APBA1: variants seen among roughly 807,000 people sequenced by gnomAD.
APBA1 encodes the protein amyloid beta precursor protein binding family A member 1, also known as amyloid-beta A4 precursor protein-binding family A member 1.
Under a neutral mutation model 86.6 loss-of-function variants are expected in APBA1, and 55 were observed. That is an observed-to-expected ratio of 0.64 (90% CI 0.51 to 0.80). The LOEUF (loss-of-function observed/expected upper bound fraction) is 0.80, where lower values mean the gene tolerates loss of function less well. Ranked by LOEUF, APBA1 falls within the 30% of genes least tolerant of loss-of-function variation. The pLI, the probability that APBA1 is intolerant of heterozygous loss-of-function variation, is 0.00. For missense variants in APBA1, 1,090 were observed against 1,183.0 expected, an observed-to-expected ratio of 0.92 and a Z score of 1.15; for synonymous variants, 511 against 493.9, an observed-to-expected ratio of 1.03 and a Z score of -0.46.
At chr9:69,658,295 TCTCTC>T (rs1166044320) in intron 1 of APBA1, among the ~76,000 whole-genome samples, 11 of 59,818 alleles carry the variant, frequency 1.8e-4, no homozygotes, top group East Asian at 4.4e-4. Context: ...TCTCTCTCTT[TCTCTC>T]TCTCTCTTTC....
At chr9:69,553,788 A>G (rs748025806) in intron 1 of APBA1, among the ~76,000 whole-genome samples, 2 of 152,216 alleles carry the variant, frequency 1.3e-5, no homozygotes, top group Non-Finnish European at 2.9e-5. Context: ...AGTTCCTGCC[A>G]CAAATAGAAT....
intron 1 of APBA1, among the ~76,000 whole-genome samples, chr9:69,546,540 G>T (rs1481868578): frequency 6.6e-6 from 1 of 152,180 alleles, no homozygotes; most frequent in African/African-American, 2.4e-5. Context: ...TCTTTTCTGA[G>T]AGGTCTTTCT....
intron 1 of APBA1, among the ~76,000 whole-genome samples, chr9:69,612,068 C>A (rs1822602395): frequency 6.6e-6 from 1 of 151,986 alleles, no homozygotes; most frequent in South Asian, 2.1e-4. Context: ...ACTATAAATC[C>A]AACCTAAAAA....
Position 69,635,533 on chromosome 9 carries a change from A to G in APBA1, c.-70+36620T>C, listed in dbSNP as rs115784490. 8.0e-3 allele frequency among the ~76,000 whole-genome samples: 1,223 copies of G among 152,272 alleles called. 17 individuals carry two copies. The highest frequency in any genetic ancestry group is 0.028 in the African/African-American group (1,144 of 41,570). Reference sequence around the variant, plus strand: ...ATTTAATGTAAATGGACACAATTCAATAAAAAAACTTAGAATGGCTGAATG... The same window carrying G: ...ATTTAATGTAAATGGACACAATTCAGTAAAAAAACTTAGAATGGCTGAATG... On this transcript the variant is annotated intron_variant, in intron 1 of 12. Coordinates refer to ENST00000265381, the MANE Select transcript of APBA1 (RefSeq NM_001163.4).
chr9:69,581,025 A>G (rs955509243), intron 1 of APBA1, among the ~76,000 whole-genome samples: 2 of 152,158 alleles, frequency 1.3e-5, no homozygotes, highest in African/African-American at 4.8e-5. Context: ...TTTCCTGAGC[A>G]GCAGGGGACA....
intron 1 of APBA1, among the ~76,000 whole-genome samples, chr9:69,613,168 T>C (rs1406802508): frequency 1.3e-5 from 2 of 150,630 alleles, no homozygotes; most frequent in Non-Finnish European, 3.0e-5. Context: ...AGCTTTGATA[T>C]TAAAAATACA....
intron 1 of APBA1, among the ~76,000 whole-genome samples, chr9:69,597,537 T>C (rs1216254533): frequency 6.6e-6 from 1 of 152,240 alleles, no homozygotes; most frequent in Non-Finnish European, 1.5e-5. Context: ...TTTGTCAATT[T>C]TGGCTTTTGC....
intron 2 of APBA1, among the ~76,000 whole-genome samples, chr9:69,506,577 A>AG (rs1257072348): frequency 7.7e-5 from 2 of 25,938 alleles, no homozygotes; most frequent in African/African-American, 3.5e-4. Context: ...CAGCTCAAGG[A>AG]GGCCTGCCTG....
chr9:69,575,254 T>C (rs1448061538), intron 1 of APBA1, among the ~76,000 whole-genome samples: 2 of 152,158 alleles, frequency 1.3e-5, no homozygotes, highest in Non-Finnish European at 2.9e-5. Context: ...TAAAATATTA[T>C]CAATATCGTG....
At chr9:69,565,324 G>C (rs746597882) in intron 1 of APBA1, among the ~76,000 whole-genome samples, 4 of 152,122 alleles carry the variant, frequency 2.6e-5, no homozygotes, top group Non-Finnish European at 5.9e-5. Context: ...AGCCAGTGCT[G>C]TGCCTCAGCA....
At chr9:69,664,555 T>G (rs1439613537) in intron 1 of APBA1, among the ~76,000 whole-genome samples, 2 of 152,166 alleles carry the variant, frequency 1.3e-5, no homozygotes, top group African/African-American at 4.8e-5. Flanking sequence ...TTTGAATAAA[T>G]GATTTCATAA....
At chr9:69,462,843 G>C (rs1482854718) in intron 5 of APBA1, 1 of 152,160 alleles carries the variant, frequency 6.6e-6, no homozygotes, top group Non-Finnish European at 1.5e-5. Context: ...TTAAAACACA[G>C]ACTCCTGGGT....
chr9:69,599,858 GGGAGAGGACGATCA>G (rs1474031248), intron 1 of APBA1, among the ~76,000 whole-genome samples: 1 of 152,192 alleles, frequency 6.6e-6, no homozygotes, highest in African/African-American at 2.4e-5. Context: ...TTCGCTCGAA[GGGAGAGGACGATCA>G]GGAGGCCAAA....
intron 1 of APBA1, among the ~76,000 whole-genome samples, chr9:69,584,822 GTAAC>G (rs1409644198): frequency 1.3e-5 from 2 of 152,178 alleles, no homozygotes; most frequent in Non-Finnish European, 2.9e-5. Flanking sequence ...TACTCTTAGA[GTAAC>G]TAACAAAACA....
At chr9:69,483,036 G>T (rs1001790310) in intron 2 of APBA1, among the ~76,000 whole-genome samples, 15 of 150,120 alleles carry the variant, frequency 1.0e-4, no homozygotes, top group Non-Finnish European at 2.2e-4. Flanking sequence ...GAGTTAGTGG[G>T]TGCAGCGCAC....
rs533333093 is a variant in APBA1 at position 69,607,186 on chromosome 9, A to G, written c.-70+64967T>C. 7.9e-5 allele frequency among the ~76,000 whole-genome samples: 12 copies of G among 152,310 alleles called. No homozygotes were observed. The South Asian group carries it at 1.9e-3, about 24-fold the overall frequency. On this transcript the variant is annotated intron_variant, in intron 1 of 12. Transcript: ENST00000265381. ...CCCAAGACTGGGTAATATATAAAGG[A>G]AAGAGGTTTAATTGACTCTCAGCTC...
chr9:69,567,505 T>C (rs2133944620), intron 1 of APBA1, among the ~76,000 whole-genome samples: 1 of 152,260 alleles, frequency 6.6e-6, no homozygotes, highest in East Asian at 1.9e-4. Context: ...ACATGTGCCA[T>C]GTTGGTGTGC....
chr9:69,474,928 G>A (rs1000661162), intron 3 of APBA1, among the ~76,000 whole-genome samples: 2 of 152,128 alleles, frequency 1.3e-5, no homozygotes, highest in African/African-American at 2.4e-5. Flanking sequence ...AAAATTATCA[G>A]CAAAATGAGG....
intron 1 of APBA1, among the ~76,000 whole-genome samples, chr9:69,590,343 C>G (rs1822106463): frequency 6.6e-6 from 1 of 152,138 alleles, no homozygotes; most frequent in Admixed American, 6.5e-5. Flanking sequence ...GGCGAGGAAA[C>G]AGTATCCTGT....
Sources: allele counts gnomAD v4.1 joint callset (sites outside exome capture counted in the v4.1 genomes callset), GRCh38; gene constraint gnomAD v4.1.1; transcripts MANE v1.5; gene names NCBI Gene and HGNC (gene_info 2026-07-23, HGNC 2026-07-21).